Variants in TEX261 observed in about 807,000 individuals in gnomAD.
The protein encoded by TEX261 is testis expressed 261.
Under a neutral mutation model 25.1 loss-of-function variants are expected in TEX261, and 13 were observed. The ratio of observed to expected loss-of-function variants is 0.52; its 90% CI spans 0.34 to 0.82. TEX261 has a LOEUF of 0.82. Among genes scored for constraint, TEX261 ranks in the 40% least tolerant of loss-of-function variants. The probability of loss-of-function intolerance (pLI) is 0.02; values close to 1 mark genes in which losing one functional copy is unlikely to be tolerated. For synonymous variants in TEX261, 92 were observed against 97.8 expected (o/e 0.94, Z 0.35); for missense variants, 206 against 243.2 (o/e 0.85, Z 1.02).
chr2:70,987,601 C>T lies in TEX261; in HGVS notation c.*999G>A, dbSNP rs1670215761. 6.6e-6 allele frequency: 1 copy of T among 152,564 alleles called. No homozygotes were observed. The highest frequency in any genetic ancestry group is 6.5e-5 in the Admixed American group (1 of 15,284). The allele number at this position is 152,564 out of a possible 1,614,324, so 9.5% of individuals were successfully genotyped here. On this transcript the variant is annotated 3_prime_UTR_variant, in exon 6 of 6. Transcript: ENST00000272438. ...CCTTCTTAGAAGGCAGATATATCTC[C>T]CCAGGAGCCAAGAGTGCACAGACGG...
chr2:70,990,560 G>A (rs1355075760), intron 3 of TEX261, among the ~76,000 whole-genome samples: 1 of 152,054 alleles, frequency 6.6e-6, no homozygotes, highest in East Asian at 1.9e-4. Flanking sequence ...TGAGGTGAAG[G>A]GCAGGCACCA....
intron 3 of TEX261, among the ~76,000 whole-genome samples, chr2:70,990,372 G>A (rs781891886): frequency 5.9e-5 from 9 of 152,140 alleles, no homozygotes; most frequent in Non-Finnish European, 1.3e-4. Flanking sequence ...TGGGGGAGGG[G>A]GTCCCTCCTC....
chr2:70,993,107 G>A (rs1403745175), intron 2 of TEX261, among the ~76,000 whole-genome samples: 1 of 152,326 alleles, frequency 6.6e-6, no homozygotes, highest in South Asian at 2.1e-4. Flanking sequence ...GGCTGTGGAC[G>A]CTTTCTCTCC....
At chr2:70,990,900 A>C (rs1389586767) in intron 3 of TEX261, among the ~76,000 whole-genome samples, 1 of 152,186 alleles carries the variant, frequency 6.6e-6, no homozygotes, top group African/African-American at 2.4e-5. Context: ...ACCTCTGCTG[A>C]ACAAATTCTT....
In TEX261 at chr2:70,993,743, CTA is replaced by C; in HGVS notation, c.101_102del (p.Ile34ArgfsTer29). On this transcript the variant is annotated frameshift_variant, in exon 2 of 6. Transcript: ENST00000272438. LOFTEE classifies it high-confidence loss of function. ...CTGCTGGTGGCCACTGTGTATTCTTCTATCAGTTCTGCCAGGTAATAGAGTCC... is the reference window on the plus strand; with the variant it reads ...CTGCTGGTGGCCACTGTGTATTCTTCTCAGTTCTGCCAGGTAATAGAGTCC... The part of the protein sequence containing the change: ...AAGLYYLAEL[I>X]EEYTVATSRI... 6.2e-7 allele frequency: 1 copy of C among 1,613,370 alleles called. No homozygotes were observed. Among genetic ancestry groups the C allele is most frequent in the Non-Finnish European group, 8.5e-7 (1 of 1,180,014 alleles).
At chr2:70,992,454 G>A (rs1553425732) in intron 2 of TEX261, among the ~76,000 whole-genome samples, 1 of 152,094 alleles carries the variant, frequency 6.6e-6, no homozygotes, top group East Asian at 1.9e-4. Flanking sequence ...CATCTGCCAG[G>A]CGAGGTGGCT....
chr2:70,989,134 G>C, intron 4 of TEX261, 117 bp from the exon 5 acceptor site: 2 of 852,882 alleles, frequency 2.3e-6, no homozygotes, highest in South Asian at 3.0e-5. Flanking sequence ...TCCAAAGGGG[G>C]CCCAGGCCTG....
At position 70,994,818 on chromosome 2, in the gene TEX261, G is replaced by T; in HGVS notation, c.-61C>A. ...CGGGCCTGCGCGCTTCGGCTCCGGC[G>T]ACACACAGCCGCCACCGCCGCCGCC... On this transcript the variant is annotated 5_prime_UTR_variant, in exon 1 of 6. Transcript: ENST00000272438. The T allele has an allele frequency of 2.9e-6, 4 of 1,361,726 alleles. No individual in the cohort carries two copies. Among genetic ancestry groups the T allele is most frequent in the South Asian group, 3.8e-5 (2 of 52,734 alleles). The allele number at this position is 1,361,726 out of a possible 1,614,324, so 84.4% of individuals were successfully genotyped here.
rs1033911417 is a variant in TEX261 at position 70,990,999 on chromosome 2, T to C, written c.304+831A>G. Among the ~76,000 whole-genome samples, 7 of 152,280 alleles carry C rather than the reference T, an allele frequency of 4.6e-5. No homozygotes were observed. In the East Asian group the frequency reaches 7.7e-4, roughly 17 times the overall value. On this transcript the variant is annotated intron_variant, in intron 3 of 5. Coordinates refer to ENST00000272438, the MANE Select transcript of TEX261 (RefSeq NM_144582.3). Reference sequence around the variant, plus strand: ...AATATTCACCCTCCAGGCTCTCTCATAGAAATAGAAAAGTCACTCTAAAAA... The same window carrying C: ...AATATTCACCCTCCAGGCTCTCTCACAGAAATAGAAAAGTCACTCTAAAAA...
Position 70,994,845 on chromosome 2 carries a change from C to T in TEX261, c.-88G>A, listed in dbSNP as rs1572943980. 8.0e-7 allele frequency: 1 copy of T among 1,246,912 alleles called. No individual in the cohort carries two copies. The highest frequency in any genetic ancestry group is 1.0e-6 in the Non-Finnish European group (1 of 992,558). 77.2% of individuals were successfully genotyped at this position (1,246,912 alleles called of 1,614,324 possible). On this transcript the variant is annotated 5_prime_UTR_variant, in exon 1 of 6. Coordinates refer to ENST00000272438, the MANE Select transcript of TEX261 (RefSeq NM_144582.3). ...CACACAGCCGCCACCGCCGCCGCCG[C>T]CGCCGCGTCCCCGCCCCGCGGACGA... is the stretch of plus-strand genomic sequence containing the variant.
In TEX261 at chr2:70,988,920, G is replaced by A. The variant is rs1553425261; in HGVS notation, c.470C>T (p.Pro157Leu). 6.2e-6 allele frequency: 10 copies of A among 1,613,936 alleles called. No homozygotes were observed. Among genetic ancestry groups the A allele is most frequent in the South Asian group, 5.5e-5 (5 of 91,034 alleles). The change falls in exon 5 of 6, where the codon CCA becomes CTA. Residue 157 changes from proline to leucine, a missense_variant. Pro to Leu is a moderately conservative substitution (Grantham distance 98, BLOSUM62 -3). Transcript: ENST00000272438. ...GENVLPSTMQ[P>L]GDDVVSNYFT... ...CCTTACAAATCCCTTCTCACCTCCT[G>A]GCTGCATGGTAGAGGGCAGGACGTT...
chr2:70,986,324 G>A lies in TEX261; in HGVS notation c.*2276C>T, dbSNP rs1670184724. 1 of 152,706 alleles carries A rather than the reference G, an allele frequency of 6.5e-6. No homozygotes were observed. Among genetic ancestry groups the A allele is most frequent in the African/African-American group, 2.4e-5 (1 of 41,466 alleles). The allele number at this position is 152,706 out of a possible 1,614,324, so 9.5% of individuals were successfully genotyped here. ...GACCAGAGAGGTGAGCAGGGACAAG[G>A]ACACCATGAGTCTCACAAGCCATGC... On this transcript the variant is annotated 3_prime_UTR_variant, in exon 6 of 6. Transcript: ENST00000272438.
chr2:70,994,823 A>T lies in TEX261; in HGVS notation c.-66T>A. ...CTGCGCGCTTCGGCTCCGGCGACAC[A>T]CAGCCGCCACCGCCGCCGCCGCCGC... On this transcript the variant is annotated 5_prime_UTR_variant, in exon 1 of 6. Transcript: ENST00000272438. 7.6e-7 allele frequency: 1 copy of T among 1,317,972 alleles called. No individual in the cohort carries two copies. Among genetic ancestry groups the T allele is most frequent in the Non-Finnish European group, 9.7e-7 (1 of 1,032,844 alleles). The allele number at this position is 1,317,972 out of a possible 1,614,324, so 81.6% of individuals were successfully genotyped here.
At position 70,988,536 on chromosome 2, in the gene TEX261, T is replaced by G; in HGVS notation, c.*64A>C. ...GCCTTCCCGACTTCTGGTCCCCACC[T>G]GGCATAGAGGCCCAGGGGCCTGACT... is the stretch of plus-strand genomic sequence containing the variant. On this transcript the variant is annotated 3_prime_UTR_variant, in exon 6 of 6. Coordinates refer to ENST00000272438, the MANE Select transcript of TEX261 (RefSeq NM_144582.3). 7.5e-7 allele frequency: 1 copy of G among 1,329,594 alleles called. No homozygotes were observed. The highest frequency in any genetic ancestry group is 1.1e-6 in the Non-Finnish European group (1 of 923,230). The allele number at this position is 1,329,594 out of a possible 1,614,324, so 82.4% of individuals were successfully genotyped here. A position where few individuals can be genotyped will look rare whatever the true frequency, so the allele number is the denominator to read the frequency against.
chr2:70,991,363 C>T (rs1343386022), intron 3 of TEX261, among the ~76,000 whole-genome samples: 1 of 152,208 alleles, frequency 6.6e-6, no homozygotes, highest in Non-Finnish European at 1.5e-5. Flanking sequence ...GAAGCTGCAG[C>T]CCCCAGGAGG....
chr2:70,994,557 G>A, intron 1 of TEX261, 131 bp downstream of exon 1: 1 of 1,344,228 alleles, frequency 7.4e-7, no homozygotes, highest in Non-Finnish European at 1.0e-6. Context: ...GCGGGAAGGG[G>A]TTGGGGCGGC....
intron 2 of TEX261, among the ~76,000 whole-genome samples, chr2:70,993,273 G>A (rs1264379724): frequency 1.3e-5 from 2 of 152,352 alleles, no homozygotes; most frequent in African/African-American, 4.8e-5. Context: ...AAGCTGTGCC[G>A]ATCTTAGGAC....
In TEX261 at chr2:70,988,550, AG is replaced by A; in HGVS notation, c.*49del. 6.9e-7 allele frequency: 1 copy of A among 1,445,436 alleles called. No homozygotes were observed. Among genetic ancestry groups the A allele is most frequent in the Non-Finnish European group, 9.7e-7 (1 of 1,026,850 alleles). 89.5% of individuals were successfully genotyped at this position (1,445,436 alleles called of 1,614,324 possible). On this transcript the variant is annotated 3_prime_UTR_variant, in exon 6 of 6. Transcript: ENST00000272438. Reference sequence around the variant, plus strand: ...TGGTCCCCACCTGGCATAGAGGCCCAGGGGCCTGACTCTCCTGATCTTGCCC... The same window carrying A: ...TGGTCCCCACCTGGCATAGAGGCCCAGGGCCTGACTCTCCTGATCTTGCCC...
chr2:70,994,586 G>A (rs1446734611), intron 1 of TEX261, 102 bp downstream of exon 1: 4 of 1,491,756 alleles, frequency 2.7e-6, no homozygotes, highest in Non-Finnish European at 3.6e-6. Context: ...GGAGCGCCGG[G>A]CAGTGGTCCC....
Sources: allele counts gnomAD v4.1 joint callset (sites outside exome capture counted in the v4.1 genomes callset), GRCh38; gene constraint gnomAD v4.1.1; transcripts MANE v1.5; gene names NCBI Gene and HGNC (gene_info 2026-07-23, HGNC 2026-07-21).